The following R3HDM2 variants were observed in gnomAD, a reference collection of about 807,000 sequenced individuals.
R3HDM2 encodes R3H domain-containing protein 2.
Under a neutral mutation model 124.5 loss-of-function variants are expected in R3HDM2, and 38 were observed. The ratio of observed to expected loss-of-function variants is 0.31; its 90% CI spans 0.24 to 0.40. R3HDM2 has a LOEUF of 0.40. Among genes scored for constraint, R3HDM2 ranks in the 10% least tolerant of loss-of-function variants. R3HDM2 has a pLI of 1.00. For missense variants in R3HDM2, 869 were observed against 1,236.9 expected (o/e 0.70, Z 4.46); for synonymous variants, 391 against 448.0 (o/e 0.87, Z 1.61).
chr12:57,386,209 C>A (rs1016841425), intron 2 of R3HDM2, among the ~76,000 whole-genome samples: 1 of 152,230 alleles, frequency 6.6e-6, no homozygotes, highest in African/African-American at 2.4e-5. Flanking sequence ...CCCACTTTGG[C>A]GGCACTTGAG....
rs2038578205 is a variant in R3HDM2, at chr12:57,255,201, C to CT, written c.2633-89dup. 1.1e-5 allele frequency: 12 copies of CT among 1,131,078 alleles called. No homozygotes were observed. The East Asian group carries it at 2.9e-4, about 27-fold the overall frequency. 70.1% of individuals were successfully genotyped at this position (1,131,078 alleles called of 1,614,324 possible). On this transcript the variant is annotated intron_variant, in intron 23 of 23. Transcript: ENST00000402412. ...GCCCAGCAGAGAAGTGTCCAGCTGA[C>CT]TAAGTCTGTATACAATGTCTTCAAA...
intron 1 of R3HDM2, among the ~76,000 whole-genome samples, chr12:57,412,387 C>T (rs1555316780): frequency 2.0e-5 from 3 of 151,518 alleles, no homozygotes; most frequent in Non-Finnish European, 2.9e-5. Context: ...ACTAAAAATA[C>T]AAAAAAATTA....
At chr12:57,412,268 G>A (rs1014759145) in intron 1 of R3HDM2, among the ~76,000 whole-genome samples, 10 of 151,502 alleles carry the variant, frequency 6.6e-5, no homozygotes, top group Non-Finnish European at 1.2e-4. Flanking sequence ...TTGGCCGGGC[G>A]CGGTGGCTCA....
chr12:57,370,471 T>C (rs1594067848), intron 2 of R3HDM2, among the ~76,000 whole-genome samples: 1 of 138,996 alleles, frequency 7.2e-6, no homozygotes, highest in South Asian at 2.5e-4. Context: ...AAAAACCCCA[T>C]CTCTACTAAA....
At chr12:57,294,713 C>T (rs2049381203) in intron 10 of R3HDM2, among the ~76,000 whole-genome samples, 2 of 152,272 alleles carry the variant, frequency 1.3e-5, no homozygotes, top group South Asian at 4.1e-4. Flanking sequence ...CGCAAATAAT[C>T]ACTTACTATC....
chr12:57,303,240 T>C (rs1326325927), intron 3 of R3HDM2, 23 bp from the exon 4 acceptor site: 187 of 1,502,220 alleles, frequency 1.2e-4, no homozygotes, highest in Non-Finnish European at 1.6e-4. Flanking sequence ...AATTGGAAAA[T>C]ATTAAAGGTG....
At chr12:57,413,909 G>A (rs1191406653) in intron 1 of R3HDM2, among the ~76,000 whole-genome samples, 12 of 143,132 alleles carry the variant, frequency 8.4e-5, no homozygotes, top group Admixed American at 6.3e-4. Context: ...TACGTGGCAC[G>A]GTCTCAGCTC....
intron 3 of R3HDM2, chr12:57,304,627 G>T: frequency 1.8e-6 from 1 of 546,742 alleles, no homozygotes; most frequent in Non-Finnish European, 2.3e-6. Flanking sequence ...ATCTGTTGCA[G>T]TAAGGGAAGA....
intron 14 of R3HDM2, among the ~76,000 whole-genome samples, chr12:57,276,903 G>T (rs1054246613): frequency 3.3e-5 from 5 of 151,180 alleles, no homozygotes; most frequent in Non-Finnish European, 7.4e-5. Flanking sequence ...AAAAAAAAAA[G>T]AATGATAAAA....
At chr12:57,377,345 C>T (rs541026654) in intron 2 of R3HDM2, among the ~76,000 whole-genome samples, 149 of 152,106 alleles carry the variant, frequency 9.8e-4, no homozygotes, top group African/African-American at 3.3e-3. Context: ...ACCAATATAG[C>T]CAACTAGAGT....
At chr12:57,403,091 C>G (rs965948870) in intron 1 of R3HDM2, among the ~76,000 whole-genome samples, 1 of 151,934 alleles carries the variant, frequency 6.6e-6, no homozygotes, top group African/African-American at 2.4e-5. Flanking sequence ...CACGGTGGCT[C>G]ATACCTGTAA....
At chr12:57,379,613 G>A (rs2064567333) in intron 2 of R3HDM2, among the ~76,000 whole-genome samples, 1 of 151,816 alleles carries the variant, frequency 6.6e-6, no homozygotes, top group Non-Finnish European at 1.5e-5. Flanking sequence ...AAAACGATAA[G>A]CTCAATAAGG....
At chr12:57,295,869 ATTT>A (rs1020818274) in intron 9 of R3HDM2, among the ~76,000 whole-genome samples, 1 of 151,944 alleles carries the variant, frequency 6.6e-6, no homozygotes, top group Non-Finnish European at 1.5e-5. Flanking sequence ...ACTTAAAAAA[ATTT>A]TTTTTGTTTG....
intron 2 of R3HDM2, among the ~76,000 whole-genome samples, chr12:57,361,104 A>T (rs1326673138): frequency 6.6e-6 from 1 of 150,706 alleles, no homozygotes; most frequent in African/African-American, 2.4e-5. Context: ...CTTTTCTTAC[A>T]GTGGCTCACA....
At chr12:57,286,466 A>G (rs2047359179) in intron 12 of R3HDM2, among the ~76,000 whole-genome samples, 1 of 152,226 alleles carries the variant, frequency 6.6e-6, no homozygotes, top group South Asian at 2.1e-4. Context: ...GCTTCTAATC[A>G]TTAGCGTTTT....
intron 1 of R3HDM2, among the ~76,000 whole-genome samples, chr12:57,429,304 TAGG>T (rs1868993091): frequency 1.3e-5 from 2 of 152,320 alleles, no homozygotes; most frequent in African/African-American, 4.8e-5. Context: ...TTTAACTTGT[TAGG>T]AGTTCATCAG....
At chr12:57,401,812 C>CA (rs1331373722) in intron 1 of R3HDM2, among the ~76,000 whole-genome samples, 8 of 150,510 alleles carry the variant, frequency 5.3e-5, no homozygotes, top group South Asian at 2.1e-4. Flanking sequence ...GGTGAAACCC[C>CA]TGCCTCTACT....
intron 18 of R3HDM2, among the ~76,000 whole-genome samples, chr12:57,267,978 T>A (rs898821596): frequency 8.5e-5 from 13 of 152,202 alleles, no homozygotes; most frequent in Non-Finnish European, 1.3e-4. Context: ...AATTTACACA[T>A]CACAGTCCAA....
intron 2 of R3HDM2, among the ~76,000 whole-genome samples, chr12:57,360,006 A>AATAAATAAATAAATAT (rs1403496780): frequency 8.5e-6 from 1 of 117,690 alleles, no homozygotes; most frequent in African/African-American, 3.0e-5. Context: ...TAAATAAATA[A>AATAAATAAATAAATAT]ATATATATAT....
Sources: allele counts gnomAD v4.1 joint callset (sites outside exome capture counted in the v4.1 genomes callset), GRCh38; gene constraint gnomAD v4.1.1; transcripts MANE v1.5; gene names NCBI Gene and HGNC (gene_info 2026-07-23, HGNC 2026-07-21).